The following SGK2 variants were observed in gnomAD, a reference collection of about 807,000 sequenced individuals.
SGK2 encodes the protein serum/glucocorticoid regulated kinase 2, also known as serine/threonine-protein kinase Sgk2.
SGK2 carries 36 observed loss-of-function variants against 47.5 expected under a neutral mutation model. The observed-to-expected ratio is 0.76, with a 90% CI of 0.58 to 1.00. SGK2 has a LOEUF of 1.00. Among genes scored for constraint, SGK2 ranks in the 50% least tolerant of loss-of-function variants. The pLI is 0.00. For missense variants in SGK2, 404 were observed against 467.4 expected (o/e 0.86, Z 1.25); for synonymous variants, 157 against 181.9 (o/e 0.86, Z 1.10).
chr20:43,561,386 A>ATTTT (rs5841510), intron 1 of SGK2, among the ~76,000 whole-genome samples: 2 of 112,388 alleles, frequency 1.8e-5, no homozygotes, highest in Non-Finnish European at 3.5e-5. Context: ...GAGGCTTTGG[A>ATTTT]TTTTTTTTTT....
intron 1 of SGK2, among the ~76,000 whole-genome samples, chr20:43,563,171 T>C (rs185410207): frequency 2.0e-5 from 3 of 149,698 alleles, no homozygotes; most frequent in Non-Finnish European, 4.4e-5. Flanking sequence ...AAAAAAAGAT[T>C]TGGGAACTGA....
intron 11 of SGK2, among the ~76,000 whole-genome samples, chr20:43,576,869 G>A (rs998584276): frequency 6.6e-6 from 1 of 152,242 alleles, no homozygotes; most frequent in African/African-American, 2.4e-5. Flanking sequence ...TTGAACCTGG[G>A]AGGCGGAGGT....
At chr20:43,581,225 T>C (rs1271455624) in intron 12 of SGK2, among the ~76,000 whole-genome samples, 1 of 151,992 alleles carries the variant, frequency 6.6e-6, no homozygotes, top group Non-Finnish European at 1.5e-5. Context: ...AGTATCTATA[T>C]GTGTGTGTGT....
chr20:43,561,012 T>A (rs1013194183), intron 1 of SGK2, among the ~76,000 whole-genome samples: 1 of 152,220 alleles, frequency 6.6e-6, no homozygotes, highest in African/African-American at 2.4e-5. Context: ...AGGACTGGTA[T>A]CAGAGTGACT....
rs763423649 is a variant in SGK2 at position 43,570,761 on chromosome 20, C to A, written c.473+32C>A. On this transcript the variant is annotated intron_variant, in intron 7 of 12. Transcript: ENST00000373100. The stretch of plus-strand genomic sequence containing the variant: ...CCTGCCTGTGGCTCAGAGCCAGGAC[C>A]AAGCCCTTCTTGCTCCAACAGCTAG... The A allele has an allele frequency of 7.9e-6, 12 of 1,522,626 alleles. No individual in the cohort carries two copies. In the East Asian group the frequency reaches 2.3e-4, roughly 29 times the overall value. 94.3% of individuals were successfully genotyped at this position (1,522,626 alleles called of 1,614,324 possible).
At chr20:43,562,509 G>A (rs1979451082) in intron 1 of SGK2, among the ~76,000 whole-genome samples, 1 of 151,946 alleles carries the variant, frequency 6.6e-6, no homozygotes, top group African/African-American at 2.4e-5. Flanking sequence ...GGGAGGCAGG[G>A]GTGGGTGGAT....
intron 9 of SGK2, 62 bp from the exon 10 acceptor site, chr20:43,574,847 T>A (rs1041658413): frequency 2.3e-6 from 3 of 1,295,414 alleles, no homozygotes; most frequent in African/African-American, 2.9e-5. Flanking sequence ...AGTGCCTTAT[T>A]TACAGCTGGG....
chr20:43,574,874 G>A (rs370067427), intron 9 of SGK2, 35 bp from the exon 10 acceptor site: 11 of 1,533,220 alleles, frequency 7.2e-6, no homozygotes, highest in African/African-American at 6.8e-5. Context: ...GAGGCTTAAC[G>A]ACTTATTTCA....
intron 11 of SGK2, 26 bp downstream of exon 11, chr20:43,576,405 G>C (rs1386867938): frequency 1.2e-6 from 2 of 1,606,872 alleles, no homozygotes; most frequent in Admixed American, 1.7e-5. Flanking sequence ...GTGGAGCACT[G>C]GCCCCCATGG....
At chr20:43,576,433 A>C (rs1237685599) in intron 11 of SGK2, 54 bp downstream of exon 11, 5 of 1,523,814 alleles carry the variant, frequency 3.3e-6, no homozygotes, top group Non-Finnish European at 4.5e-6. Context: ...AGCTTCCTGC[A>C]GAGGCAGCTC....
At chr20:43,565,864 C>T (rs1238731607) in intron 1 of SGK2, 2 of 156,970 alleles carry the variant, frequency 1.3e-5, no homozygotes, top group African/African-American at 4.8e-5. Flanking sequence ...TTGGGTCTCT[C>T]TGTGGCCCCA....
At chr20:43,571,100 TGTA>T in intron 8 of SGK2, 40 bp downstream of exon 8, 6 of 1,598,340 alleles carry the variant, frequency 3.8e-6, no homozygotes, top group East Asian at 2.2e-5. Context: ...TGTGTGTGTG[TGTA>T]TGTGGTTGCA....
In SGK2 at chr20:43,585,221, C is replaced by A; in HGVS notation, c.*205C>A. On this transcript the variant is annotated 3_prime_UTR_variant, in exon 13 of 13. Coordinates refer to ENST00000373100, the MANE Select transcript of SGK2 (RefSeq NM_170693.3). The stretch of plus-strand genomic sequence containing the variant: ...ACTCAGAGGCTGTATCTCTGCCCTG[C>A]CAACCTTGACAAATGGCTTCCAATG... The A allele has an allele frequency of 2.5e-6, 1 of 393,552 alleles. No individual in the cohort carries two copies. 24.4% of individuals were successfully genotyped at this position (393,552 alleles called of 1,614,324 possible). A position where few individuals can be genotyped will look rare whatever the true frequency, so the allele number is the denominator to read the frequency against.
chr20:43,583,191 C>G, intron 12 of SGK2: 1 of 1,289,476 alleles, frequency 7.8e-7, no homozygotes, highest in Non-Finnish European at 1.0e-6. Flanking sequence ...AGGATACACT[C>G]GGGCCAGGCA....
intron 11 of SGK2, 21 bp downstream of exon 11, chr20:43,576,400 G>A (rs536376695): frequency 6.8e-6 from 11 of 1,609,408 alleles, no homozygotes; most frequent in Middle Eastern, 1.7e-4. Flanking sequence ...TACCAGTGGA[G>A]CACTGGCCCC....
intron 11 of SGK2, among the ~76,000 whole-genome samples, chr20:43,577,488 A>T (rs1203944730): frequency 6.6e-6 from 1 of 151,018 alleles, no homozygotes; most frequent in South Asian, 2.1e-4. Context: ...AGTAGCTGGG[A>T]CTACAGGCAC....
At chr20:43,582,136 C>T (rs778555764) in intron 12 of SGK2, among the ~76,000 whole-genome samples, 16 of 152,166 alleles carry the variant, frequency 1.1e-4, no homozygotes, top group Admixed American at 3.9e-4. Context: ...CAACCTCCAC[C>T]TCCTGGGGTC....
chr20:43,574,856 G>A, intron 9 of SGK2, 53 bp from the exon 10 acceptor site: 1 of 1,370,776 alleles, frequency 7.3e-7, no homozygotes, highest in Non-Finnish European at 1.0e-6. Flanking sequence ...TTTACAGCTG[G>A]GGCAACTGAG....
intron 6 of SGK2, among the ~76,000 whole-genome samples, chr20:43,570,255 A>G (rs987638055): frequency 2.0e-5 from 3 of 152,178 alleles, no homozygotes; most frequent in African/African-American, 7.2e-5. Flanking sequence ...TATAAGCTAC[A>G]TGACCTTGGG....
Sources: allele counts gnomAD v4.1 joint callset (sites outside exome capture counted in the v4.1 genomes callset), GRCh38; gene constraint gnomAD v4.1.1; transcripts MANE v1.5; gene names NCBI Gene and HGNC (gene_info 2026-07-23, HGNC 2026-07-21).